CELF5: variants seen among roughly 807,000 people sequenced by gnomAD.
CELF5 encodes CUG-BP and ETR-3 like factor 5.
A neutral mutation model predicts 54.9 loss-of-function variants in CELF5; 6 were observed. The observed-to-expected ratio is 0.11, with a 90% CI of 0.06 to 0.22. The LOEUF is 0.22. Among genes scored for constraint, CELF5 ranks in the 10% least tolerant of loss-of-function variants. The pLI, the probability that CELF5 is intolerant of heterozygous loss-of-function variation, is 1.00. For synonymous variants in CELF5, 271 were observed against 290.9 expected (o/e 0.93, Z 0.70); for missense variants, 401 against 678.6 (o/e 0.59, Z 4.54).
At position 3,280,953 on chromosome 19, in the gene CELF5, T is replaced by A. The variant is rs115109870; in HGVS notation, c.604-246T>A. ...GGCTGACAGTCAGGGCCCCCACCTG[T>A]GCCCCATCACAGCCTCCTAGGCCTG... On this transcript the variant is annotated intron_variant, in intron 5 of 12. Transcript: ENST00000292672. Among the ~76,000 whole-genome samples the A allele has an allele frequency of 2.3e-3, 357 of 152,302 alleles. 1 individual carries two copies. The highest frequency in any genetic ancestry group is 8.2e-3 in the African/African-American group (339 of 41,586).
intron 1 of CELF5, among the ~76,000 whole-genome samples, chr19:3,230,083 C>CATTA (rs981260883): frequency 1.1e-4 from 16 of 150,326 alleles, no homozygotes; most frequent in Admixed American, 8.6e-4. Flanking sequence ...CACACTCATT[C>CATTA]ATTCATTCAT....
rs559040871 is a variant in CELF5, at chr19:3,268,626, G to A, written c.343-5246G>A. 3.3e-5 allele frequency among the ~76,000 whole-genome samples: 5 copies of A among 152,102 alleles called. No homozygotes were observed. The highest frequency in any genetic ancestry group is 9.6e-5 in the African/African-American group (4 of 41,506). On this transcript the variant is annotated intron_variant, in intron 2 of 12. Transcript: ENST00000292672. The surrounding 1 kb of genome is among the most constrained non-coding windows in gnomAD (Gnocchi z 4.4). ...GTCTACAAACCCGTGTATCATTTCC[G>A]CTGTCATTTGTGGACCCTGGGCTAA...
At chr19:3,285,712 A>T (rs60439948) in intron 9 of CELF5, among the ~76,000 whole-genome samples, 10 of 72,320 alleles carry the variant, frequency 1.4e-4, no homozygotes, top group Non-Finnish European at 2.3e-4. Context: ...CCTGCCCTCC[A>T]CCATGGCCCC....
At chr19:3,232,800 C>T (rs1008655072) in intron 1 of CELF5, among the ~76,000 whole-genome samples, 12 of 151,618 alleles carry the variant, frequency 7.9e-5, no homozygotes, top group African/African-American at 2.7e-4. Flanking sequence ...TTAGGCTGGG[C>T]GTGGTGGCTC....
chr19:3,255,489 G>C (rs577545475), intron 2 of CELF5, among the ~76,000 whole-genome samples: 2 of 151,536 alleles, frequency 1.3e-5, no homozygotes, highest in Non-Finnish European at 2.9e-5. Context: ...TACTGCCCCC[G>C]ACTGCTTTTT....
chr19:3,237,436 G>T (rs1458372986), intron 1 of CELF5, among the ~76,000 whole-genome samples: 1 of 152,042 alleles, frequency 6.6e-6, no homozygotes, highest in African/African-American at 2.4e-5. Flanking sequence ...ACAAGAGGTG[G>T]ATTATTCATG....
chr19:3,280,305 T>TA (rs2080126869), intron 5 of CELF5, among the ~76,000 whole-genome samples: 1 of 151,978 alleles, frequency 6.6e-6, no homozygotes, highest in African/African-American at 2.4e-5. Flanking sequence ...GGGCTGGGCG[T>TA]GGTGGCTGTA....
rs900626163 is a variant in CELF5, at chr19:3,273,812, C to T, written c.343-60C>T. On this transcript the variant is annotated intron_variant, in intron 2 of 12. Transcript: ENST00000292672. ...CTGGCCTGCAGAGCTCAGGCAAAAC[C>T]CCCCGCCTGCCACACCCCCACTGCT... The T allele has an allele frequency of 1.2e-5, 14 of 1,211,010 alleles. No individual in the cohort carries two copies. In the Admixed American group the frequency reaches 2.2e-4, roughly 19 times the overall value. The allele number at this position is 1,211,010 out of a possible 1,614,324, so 75.0% of individuals were successfully genotyped here.
At chr19:3,246,933 G>A (rs543199079) in intron 1 of CELF5, among the ~76,000 whole-genome samples, 4 of 152,242 alleles carry the variant, frequency 2.6e-5, no homozygotes, top group East Asian at 1.9e-4. Context: ...ACACAAGGGC[G>A]GACCTATGCT....
At chr19:3,244,411 T>C (rs545083853) in intron 1 of CELF5, among the ~76,000 whole-genome samples, 71 of 147,390 alleles carry the variant, frequency 4.8e-4, no homozygotes, top group African/African-American at 1.7e-3. Flanking sequence ...ATGCATTGTG[T>C]GTATGTGTGT....
In CELF5 at chr19:3,282,589, C is replaced by A; in HGVS notation, c.1039+91C>A. 1 of 1,420,144 alleles carries A rather than the reference C, an allele frequency of 7.0e-7. No homozygotes were observed. The highest frequency in any genetic ancestry group is 9.5e-7 in the Non-Finnish European group (1 of 1,048,514). 88.0% of individuals were successfully genotyped at this position (1,420,144 alleles called of 1,614,324 possible). A position where few individuals can be genotyped will look rare whatever the true frequency, so the allele number is the denominator to read the frequency against. ...AAGTATGAGTCCCTACATCACAGTG[C>A]CCAGGGAACAGAAGGGCAGGAAAAA... On this transcript the variant is annotated intron_variant, in intron 8 of 12. Coordinates refer to ENST00000292672, the MANE Select transcript of CELF5 (RefSeq NM_021938.4). This position sits in a 1 kb window ranked among gnomAD's most constrained non-coding sequence, Gnocchi z 5.2.
At chr19:3,269,211 T>C (rs977274728) in intron 2 of CELF5, among the ~76,000 whole-genome samples, 15 of 152,264 alleles carry the variant, frequency 9.9e-5, no homozygotes, top group African/African-American at 2.9e-4. Flanking sequence ...GTATCACTCT[T>C]ATTGCCCTGG....
intron 9 of CELF5, among the ~76,000 whole-genome samples, chr19:3,285,501 C>T (rs1312570280): frequency 2.7e-5 from 4 of 148,998 alleles, no homozygotes; most frequent in African/African-American, 9.9e-5. Flanking sequence ...CAAGTCACGG[C>T]CCCGCCCCAC....
At chr19:3,288,066 T>C (rs564051674) in intron 10 of CELF5, among the ~76,000 whole-genome samples, 75 of 152,222 alleles carry the variant, frequency 4.9e-4, no homozygotes, top group Non-Finnish European at 8.8e-4. Context: ...TGGGAGGGTG[T>C]GTGGCATGCA....
At chr19:3,296,311 A>G (rs1242648556) in intron 12 of CELF5, 1 of 145,480 alleles carries the variant, frequency 6.9e-6, no homozygotes, top group Non-Finnish European at 1.5e-5. Context: ...AATAAGCTCA[A>G]AAGAAAAAAA....
chr19:3,235,237 T>C lies in CELF5; in HGVS notation c.259+10239T>C, dbSNP rs1460497628. ...TTTCTCTTCTGTAAGCTTCACCTTT[T>C]TTTGTGAAACCCCTGTGATGGCAGG... On this transcript the variant is annotated intron_variant, in intron 1 of 12. Coordinates refer to ENST00000292672, the MANE Select transcript of CELF5 (RefSeq NM_021938.4). Among the ~76,000 whole-genome samples, 5 of 152,162 alleles carry C rather than the reference T, an allele frequency of 3.3e-5. No homozygotes were observed. In the East Asian group the frequency reaches 9.6e-4, roughly 29 times the overall value.
chr19:3,243,872 C>G (rs758927347), intron 1 of CELF5, among the ~76,000 whole-genome samples: 1 of 151,506 alleles, frequency 6.6e-6, no homozygotes, highest in Non-Finnish European at 1.5e-5. Context: ...GTGCGTGTCT[C>G]TGTGTCTATT....
At chr19:3,235,120 A>G (rs535124761) in intron 1 of CELF5, among the ~76,000 whole-genome samples, 30 of 152,264 alleles carry the variant, frequency 2.0e-4, no homozygotes, top group African/African-American at 6.7e-4. Flanking sequence ...TGTTTCTGCA[A>G]CAGGCAAGGC....
intron 2 of CELF5, among the ~76,000 whole-genome samples, chr19:3,256,388 C>T (rs2079726653): frequency 6.6e-6 from 1 of 152,084 alleles, no homozygotes. Flanking sequence ...CCTCCAAACC[C>T]CTTTGTTCAT....
Sources: allele counts gnomAD v4.1 joint callset (sites outside exome capture counted in the v4.1 genomes callset), GRCh38; gene constraint gnomAD v4.1.1; non-coding constraint Gnocchi (gnomAD v3.1); transcripts MANE v1.5; gene names NCBI Gene and HGNC (gene_info 2026-07-23, HGNC 2026-07-21).